The following WDFY3 variants were observed in gnomAD, a reference collection of about 807,000 sequenced individuals.
WDFY3 encodes WD repeat and FYVE domain-containing protein 3.
A neutral mutation model predicts 409.6 loss-of-function variants in WDFY3; 66 were observed. That is an observed-to-expected ratio of 0.16 (90% CI 0.13 to 0.20). The LOEUF (loss-of-function observed/expected upper bound fraction) is 0.20. Ranked by LOEUF, WDFY3 falls within the 10% of genes least tolerant of loss-of-function variation. The pLI is 1.00. For synonymous variants in WDFY3, 1,521 were observed against 1,537.1 expected (o/e 0.99, Z 0.25); for missense variants, 3,031 against 4,298.1 (o/e 0.71, Z 8.24).
intron 46 of WDFY3, among the ~76,000 whole-genome samples, chr4:84,723,271 TCATCA>T (rs1735119229): frequency 6.6e-6 from 1 of 152,228 alleles, no homozygotes; most frequent in Non-Finnish European, 1.5e-5. Context: ...TAAGTCATAG[TCATCA>T]CATGAGAGAA....
chr4:84,817,447 C>G lies in WDFY3; in HGVS notation c.1832G>C (p.Gly611Ala), dbSNP rs1465416844. 9.3e-6 allele frequency: 15 copies of G among 1,613,728 alleles called. No individual in the cohort carries two copies. Among genetic ancestry groups the G allele is most frequent in the Non-Finnish European group, 1.3e-5 (15 of 1,179,758 alleles). Residue 611 changes from glycine (G) to alanine (A), a missense_variant, in exon 13 of 68, where the codon GGG becomes GCG. By Grantham distance (60) the Gly-to-Ala change is moderately conservative (BLOSUM62 0). Around this residue, in one of 16 missense-constraint regions of WDFY3, gnomAD observed 1,322 missense variants for 1,697.9 expected, o/e 0.78. Transcript: ENST00000295888. Reference sequence around the variant, plus strand: ...CGTCGGTGGGGCTGAATGCATTAGCCCCAGGAGAGTGCCCATGTCATCGTC... The same window carrying G: ...CGTCGGTGGGGCTGAATGCATTAGCGCCAGGAGAGTGCCCATGTCATCGTC... ...NGDDDMGTLL[G>A]LMHSAPPTEL...
chr4:84,812,686 C>G (rs1752697623), intron 13 of WDFY3, among the ~76,000 whole-genome samples: 1 of 152,044 alleles, frequency 6.6e-6, no homozygotes, highest in African/African-American at 2.4e-5. Flanking sequence ...AAAATGCTAT[C>G]ACTGGTTAGA....
intron 38 of WDFY3, 33 bp from the exon 39 acceptor site, chr4:84,740,449 T>C (rs770033212): frequency 3.4e-5 from 54 of 1,604,808 alleles, no homozygotes; most frequent in Middle Eastern, 1.7e-4. Context: ...TTTAGTATAA[T>C]AGACAAAAGT....
intron 3 of WDFY3, among the ~76,000 whole-genome samples, chr4:84,878,126 T>C (rs935571734): frequency 6.6e-6 from 1 of 151,974 alleles, no homozygotes; most frequent in African/African-American, 2.4e-5. Context: ...ATTCAGAAAA[T>C]AAGAACTATT....
intron 3 of WDFY3, among the ~76,000 whole-genome samples, chr4:84,866,465 A>G (rs1460002985): frequency 3.3e-5 from 5 of 152,228 alleles, no homozygotes; most frequent in Admixed American, 1.3e-4. Context: ...AAAGGATCAA[A>G]GGCTATCTCC....
rs189049093 is a variant in WDFY3 at position 84,915,183 on chromosome 4, G to A, written c.-132+17087C>T. On this transcript the variant is annotated intron_variant, in intron 2 of 67. Transcript: ENST00000295888. ...GCTAGGAGCCAGGAGAGAGAAGAATGGGAATTATTACCTAATGGGTACAGA... is the reference window on the plus strand; with the variant it reads ...GCTAGGAGCCAGGAGAGAGAAGAATAGGAATTATTACCTAATGGGTACAGA... Among the ~76,000 whole-genome samples, 88 of 152,226 alleles carry A rather than the reference G, an allele frequency of 5.8e-4. 1 individual carries two copies. The East Asian group carries it at 0.014, about 25-fold the overall frequency.
intron 32 of WDFY3, 142 bp from the exon 33 acceptor site, chr4:84,757,303 T>A: frequency 1.4e-6 from 1 of 732,862 alleles, no homozygotes; most frequent in Non-Finnish European, 2.2e-6. Context: ...AGTATTCAAC[T>A]GTTGAATTAA....
Position 84,683,932 on chromosome 4 carries a change from A to G in WDFY3, c.9726+11T>C. ...AAATATCCTAATGAGTTTTTCTCTC[A>G]GTTCACTTACCCGAACCACTCCATC... On this transcript the variant is annotated intron_variant, in intron 63 of 67. Transcript: ENST00000295888. 2 of 1,570,506 alleles carry G rather than the reference A, an allele frequency of 1.3e-6. No homozygotes were observed. Among genetic ancestry groups the G allele is most frequent in the Non-Finnish European group, 1.7e-6 (2 of 1,149,392 alleles).
intron 15 of WDFY3, among the ~76,000 whole-genome samples, chr4:84,805,224 C>T (rs1751320056): frequency 6.6e-6 from 1 of 152,016 alleles, no homozygotes; most frequent in Non-Finnish European, 1.5e-5. Context: ...ATATATATTG[C>T]AAATATTACA....
intron 21 of WDFY3, 62 bp from the exon 22 acceptor site, chr4:84,789,969 A>G (rs1406581628): frequency 1.4e-5 from 21 of 1,530,162 alleles, no homozygotes; most frequent in Middle Eastern, 1.7e-4. Context: ...CAAATTATTC[A>G]TATCTAGATC....
intron 5 of WDFY3, chr4:84,849,569 T>TA (rs5859953): frequency 0.84 from 92,888 of 110,064 alleles, 40,666 homozygotes; most frequent in East Asian, 0.94. Flanking sequence ...CAGGGTATGC[T>TA]AAAAAAAAAA....
chr4:84,779,931 TA>T (rs1344662466), intron 26 of WDFY3, among the ~76,000 whole-genome samples, 176 bp downstream of exon 26: 1 of 152,188 alleles, frequency 6.6e-6, no homozygotes. Flanking sequence ...TAAAGCAAAA[TA>T]AAGAAACAAT....
chr4:84,875,782 A>G (rs1269117392), intron 3 of WDFY3, among the ~76,000 whole-genome samples: 1 of 152,188 alleles, frequency 6.6e-6, no homozygotes, highest in African/African-American at 2.4e-5. Flanking sequence ...GCACAGGGCC[A>G]AGATTATCAA....
chr4:84,730,396 G>C (rs981722444), intron 44 of WDFY3, among the ~76,000 whole-genome samples: 2 of 152,064 alleles, frequency 1.3e-5, no homozygotes, highest in Non-Finnish European at 2.9e-5. Flanking sequence ...GTTAGCACTA[G>C]AGAGATAAAA....
chr4:84,732,362 C>T (rs983216726), intron 44 of WDFY3, among the ~76,000 whole-genome samples: 2 of 152,074 alleles, frequency 1.3e-5, no homozygotes, highest in Admixed American at 6.6e-5. Context: ...ATATTCATCG[C>T]CTCAAATACC....
rs142107190 is a variant in WDFY3, at chr4:84,677,231, A to G, written c.10425T>C (p.His3475=). ...AGAAGAGCTGACCACAGTTCCTGCA[A>G]TGGTGTCGTCTTTCTGTGAGTGAAA... ...VRFSLTERRH[H]CRNCGQLFCQ... Residue 3475 remains histidine, a synonymous_variant, in exon 67 of 68, where the codon CAT becomes CAC. Coordinates refer to ENST00000295888, the MANE Select transcript of WDFY3 (RefSeq NM_014991.6). 2 of 1,614,090 alleles carry G rather than the reference A, an allele frequency of 1.2e-6. No homozygotes were observed. The highest frequency in any genetic ancestry group is 1.3e-5 in the African/African-American group (1 of 74,930).
At chr4:84,946,907 T>C (rs1772914585) in intron 1 of WDFY3, among the ~76,000 whole-genome samples, 1 of 151,482 alleles carries the variant, frequency 6.6e-6, no homozygotes, top group Admixed American at 6.6e-5. Flanking sequence ...CCCAGGTTCA[T>C]GCCATTCTCC....
chr4:84,772,709 G>T (rs996989051), intron 30 of WDFY3, 126 bp downstream of exon 30: 7 of 767,786 alleles, frequency 9.1e-6, no homozygotes, highest in Admixed American at 3.5e-5. Context: ...AAAACGTAAT[G>T]TAAGGAGAAA....
chr4:84,810,385 AT>A, intron 13 of WDFY3, 41 bp from the exon 14 acceptor site: 3 of 1,296,012 alleles, frequency 2.3e-6, no homozygotes, highest in Non-Finnish European at 2.0e-6. Flanking sequence ...AATACACATA[AT>A]TCAAAAAAAA....
Sources: gnomAD v4.1 joint callset for allele counts (sites outside exome capture counted in the v4.1 genomes callset) on GRCh38, gnomAD v4.1.1 for gene constraint, gnomAD v4.1.1 regional missense constraint, MANE v1.5 for transcripts, NCBI Gene and HGNC (gene_info 2026-07-23, HGNC 2026-07-21) for gene names.